AGBL1: variants seen among roughly 807,000 people sequenced by gnomAD.
AGBL1 encodes the protein AGBL carboxypeptidase 1.
Under a neutral mutation model 118.9 loss-of-function variants are expected in AGBL1, and 130 were observed. That is an observed-to-expected ratio of 1.09 (90% CI 0.95 to 1.26). The LOEUF (loss-of-function observed/expected upper bound fraction) is 1.26, where lower values mean the gene tolerates loss of function less well. Among genes scored for constraint, AGBL1 ranks in the 50% most tolerant of loss-of-function variants. The pLI is 0.00. For synonymous variants in AGBL1, 555 were observed against 478.9 expected (o/e 1.16, Z -2.08); for missense variants, 1,584 against 1,298.1 (o/e 1.22, Z -3.38).
intron 18 of AGBL1, among the ~76,000 whole-genome samples, chr15:86,402,187 G>GTTATTTATTTATTTATTTAT (rs58824729): frequency 4.6e-5 from 7 of 151,346 alleles, no homozygotes; most frequent in African/African-American, 1.5e-4. Flanking sequence ...GTATTTCTAG[G>GTTATTTATTTATTTATTTAT]TTATTTATTT....
intron 22 of AGBL1, among the ~76,000 whole-genome samples, chr15:86,720,710 C>G (rs1182738430): frequency 6.6e-6 from 1 of 151,504 alleles, no homozygotes; most frequent in African/African-American, 2.4e-5. Context: ...GGCCATGGGA[C>G]ATAAGAAAGA....
At chr15:86,374,005 G>A (rs2081003561) in intron 17 of AGBL1, among the ~76,000 whole-genome samples, 1 of 152,162 alleles carries the variant, frequency 6.6e-6, no homozygotes, top group South Asian at 2.1e-4. Flanking sequence ...ATGAATGAAA[G>A]TTGACCGTCA....
chr15:86,565,856 G>C lies in AGBL1; in HGVS notation c.2994+11319G>C, dbSNP rs562508117. Among the ~76,000 whole-genome samples the C allele has an allele frequency of 2.4e-4, 37 of 152,356 alleles. No homozygotes were observed. The South Asian group carries it at 7.7e-3, about 32-fold the overall frequency. ...TGGGTGCCCCTCCCCCAGCCTCGCT[G>C]CTGCCTTGCAGTTCGATCTCAGACT... is the stretch of plus-strand genomic sequence containing the variant. On this transcript the variant is annotated intron_variant, in intron 21 of 22. Transcript: ENST00000614907.
At chr15:86,275,660 C>T (rs997149833) in intron 15 of AGBL1, among the ~76,000 whole-genome samples, 2 of 152,158 alleles carry the variant, frequency 1.3e-5, no homozygotes, top group South Asian at 2.1e-4. Context: ...GCAGATCCTT[C>T]CAAAGATAAA....
intron 21 of AGBL1, among the ~76,000 whole-genome samples, chr15:86,598,574 G>A (rs7176397): frequency 0.45 from 68,455 of 151,972 alleles, 15,542 homozygotes; most frequent in East Asian, 0.61. Flanking sequence ...ACACCATTTT[G>A]TATTCCATCT....
At chr15:87,012,078 C>G (rs1331289610) in intron 24 of AGBL1, among the ~76,000 whole-genome samples, 1 of 152,026 alleles carries the variant, frequency 6.6e-6, no homozygotes, top group Non-Finnish European at 1.5e-5. Flanking sequence ...ATAGAGATAA[C>G]TATTTAGAAA....
At chr15:86,670,565 C>G (rs8035277) in intron 21 of AGBL1, among the ~76,000 whole-genome samples, 4,092 of 149,536 alleles carry the variant, frequency 0.027, 192 homozygotes, top group African/African-American at 0.096. Context: ...GATCGTGCCA[C>G]TGCACTCCAG....
intron 21 of AGBL1, among the ~76,000 whole-genome samples, chr15:86,651,582 A>T (rs2085371048): frequency 6.6e-6 from 1 of 152,182 alleles, no homozygotes; most frequent in Non-Finnish European, 1.5e-5. Flanking sequence ...TGTTGTCAGG[A>T]TTGGAATGCC....
chr15:86,490,486 G>T (rs963927097), intron 18 of AGBL1, among the ~76,000 whole-genome samples: 2 of 152,102 alleles, frequency 1.3e-5, no homozygotes, highest in Non-Finnish European at 2.9e-5. Flanking sequence ...CTGGTTAGTT[G>T]TGGGGAAATT....
intron 22 of AGBL1, among the ~76,000 whole-genome samples, chr15:86,733,877 T>C (rs2077559502): frequency 6.6e-6 from 1 of 152,168 alleles, no homozygotes; most frequent in Non-Finnish European, 1.5e-5. Context: ...ATGGGTCGTA[T>C]ACACCCAGAA....
intron 22 of AGBL1, among the ~76,000 whole-genome samples, chr15:86,897,061 G>T (rs1374864566): frequency 6.6e-6 from 1 of 152,166 alleles, no homozygotes; most frequent in Non-Finnish European, 1.5e-5. Flanking sequence ...TATTTAGCCA[G>T]ATTTTAATTT....
chr15:86,313,707 A>C (rs1451476807), intron 17 of AGBL1, among the ~76,000 whole-genome samples: 1 of 152,222 alleles, frequency 6.6e-6, no homozygotes. Flanking sequence ...TATTGACTTC[A>C]AGTTATTATA....
chr15:86,998,977 A>G (rs1039746294), intron 24 of AGBL1, among the ~76,000 whole-genome samples: 5 of 150,930 alleles, frequency 3.3e-5, no homozygotes, highest in African/African-American at 1.2e-4. Flanking sequence ...CTCATCATTT[A>G]CATTAGGTGT....
At chr15:86,478,057 A>T (rs1234419308) in intron 18 of AGBL1, among the ~76,000 whole-genome samples, 4 of 152,166 alleles carry the variant, frequency 2.6e-5, no homozygotes, top group Non-Finnish European at 2.9e-5. Flanking sequence ...ACTCTCAATA[A>T]ATTAGGTACT....
chr15:86,118,170 T>G (rs1174614735), intron 1 of AGBL1, among the ~76,000 whole-genome samples: 2 of 152,210 alleles, frequency 1.3e-5, no homozygotes, highest in Non-Finnish European at 2.9e-5. Flanking sequence ...GTTCCATTTT[T>G]AAAGGTGCTG....
chr15:86,990,444 G>A (rs899396098), intron 24 of AGBL1, among the ~76,000 whole-genome samples: 6 of 152,060 alleles, frequency 3.9e-5, no homozygotes, highest in African/African-American at 9.7e-5. Context: ...AACCCAGGGG[G>A]CAGAGTTTGC....
At chr15:86,855,383 G>A (rs1482219718) in intron 22 of AGBL1, among the ~76,000 whole-genome samples, 1 of 152,178 alleles carries the variant, frequency 6.6e-6, no homozygotes, top group Non-Finnish European at 1.5e-5. Context: ...ATTTCTAAGA[G>A]TGCCTCTTGA....
At chr15:86,436,071 A>G (rs1596112035) in intron 18 of AGBL1, among the ~76,000 whole-genome samples, 1 of 145,090 alleles carries the variant, frequency 6.9e-6, no homozygotes, top group Admixed American at 7.0e-5. Flanking sequence ...TAAACTTTCC[A>G]TTCAATCCCT....
At chr15:87,017,116 C>G (rs1295273894) in intron 24 of AGBL1, among the ~76,000 whole-genome samples, 1 of 152,130 alleles carries the variant, frequency 6.6e-6, no homozygotes, top group Non-Finnish European at 1.5e-5. Context: ...CCAGTGGCAA[C>G]AGGCTGGAGT....
Sources: allele counts gnomAD v4.1 joint callset (sites outside exome capture counted in the v4.1 genomes callset), GRCh38; gene constraint gnomAD v4.1.1; transcripts MANE v1.5; gene names NCBI Gene and HGNC (gene_info 2026-07-23, HGNC 2026-07-21).